SINHCAF: variants seen among roughly 807,000 people sequenced by gnomAD.
SINHCAF encodes SIN3-HDAC complex-associated factor.
In SINHCAF, 3 loss-of-function variants were observed where a neutral mutation model predicts 25.8. The ratio of observed to expected loss-of-function variants is 0.12; its 90% CI spans 0.05 to 0.30. The LOEUF is 0.30. SINHCAF is among the 10% of genes least tolerant of loss of function. The pLI, the probability that SINHCAF is intolerant of heterozygous loss-of-function variation, is 1.00. For synonymous variants in SINHCAF, 70 were observed against 85.5 expected, an observed-to-expected ratio of 0.82 and a Z score of 1.00; for missense variants, 121 against 262.3, an observed-to-expected ratio of 0.46 and a Z score of 3.72.
At position 31,321,831 on chromosome 12, in the gene SINHCAF, G is replaced by A. The variant is rs564295349; in HGVS notation, c.-21+4193C>T. Among the ~76,000 whole-genome samples, 24 of 152,234 alleles carry A rather than the reference G, an allele frequency of 1.6e-4. No individual in the cohort carries two copies. In the South Asian group the frequency reaches 4.8e-3, roughly 30 times the overall value. The stretch of plus-strand genomic sequence containing the variant: ...AATTGATTAATTTATCCTCATAAGA[G>A]CCCTGTATAGTTGGTTTAGATTTAA... On this transcript the variant is annotated intron_variant, in intron 1 of 5. Transcript: ENST00000337682.
rs1937786732 is a variant in SINHCAF, at chr12:31,281,441, A to G, written c.*1271T>C. 1 of 152,256 alleles carries G rather than the reference A, an allele frequency of 6.6e-6. No individual in the cohort carries two copies. The highest frequency in any genetic ancestry group is 2.4e-5 in the African/African-American group (1 of 41,472). 9.4% of individuals were successfully genotyped at this position (152,256 alleles called of 1,614,324 possible). Reference sequence around the variant, plus strand: ...ATAGGCTAAAACAAGTCAAACACCCATTCTACACAGATAAAAACCTTCACA... The same window carrying G: ...ATAGGCTAAAACAAGTCAAACACCCGTTCTACACAGATAAAAACCTTCACA... On this transcript the variant is annotated 3_prime_UTR_variant, in exon 6 of 6. Transcript: ENST00000337682.
At chr12:31,299,618 G>A (rs545798002) in intron 1 of SINHCAF, among the ~76,000 whole-genome samples, 95 of 152,262 alleles carry the variant, frequency 6.2e-4, no homozygotes, top group Middle Eastern at 3.4e-3. Flanking sequence ...GCCCGGCCAA[G>A]AAAATTATTA....
At chr12:31,299,363 C>G (rs1202405932) in intron 1 of SINHCAF, among the ~76,000 whole-genome samples, 4 of 151,898 alleles carry the variant, frequency 2.6e-5, no homozygotes, top group Admixed American at 1.3e-4. Context: ...TTCACCCAGG[C>G]TGGAGTGCGG....
intron 1 of SINHCAF, among the ~76,000 whole-genome samples, chr12:31,316,256 G>A (rs1939491755): frequency 6.6e-6 from 1 of 151,418 alleles, no homozygotes; most frequent in African/African-American, 2.4e-5. Flanking sequence ...AAAGATTAAA[G>A]GTAATAGCTA....
chr12:31,288,460 G>C (rs1453640029), intron 4 of SINHCAF, among the ~76,000 whole-genome samples: 2 of 152,124 alleles, frequency 1.3e-5, no homozygotes, highest in Non-Finnish European at 2.9e-5. Context: ...GTCAGAGGAA[G>C]CCTAGCGAAG....
At chr12:31,309,008 A>G (rs1047272970) in intron 1 of SINHCAF, among the ~76,000 whole-genome samples, 3 of 151,730 alleles carry the variant, frequency 2.0e-5, no homozygotes, top group Non-Finnish European at 4.4e-5. Context: ...CACATCTGTA[A>G]TCCTAGCTAC....
chr12:31,302,379 A>G (rs1186089663), intron 1 of SINHCAF, among the ~76,000 whole-genome samples: 1 of 151,710 alleles, frequency 6.6e-6, no homozygotes, highest in Non-Finnish European at 1.5e-5. Context: ...GATCTCAGTA[A>G]GCCTGTTTTT....
chr12:31,324,061 G>C lies in SINHCAF; in HGVS notation c.-21+1963C>G, dbSNP rs1442981474. ...TGGTAAATAAGACATCTCGCGTCGG[G>C]AGGAAAGTTCCTGCGGGGGCCGCTC... is the stretch of plus-strand genomic sequence containing the variant. On this transcript the variant is annotated intron_variant, in intron 1 of 5. Transcript: ENST00000337682. This position sits in a 1 kb window ranked among gnomAD's most constrained non-coding sequence, Gnocchi z 5.5. The C allele has an allele frequency of 2.2e-6, 1 of 454,270 alleles. No homozygotes were observed. Among genetic ancestry groups the C allele is most frequent in the Non-Finnish European group, 4.4e-6 (1 of 226,762 alleles). The allele number at this position is 454,270 out of a possible 1,614,324, so 28.1% of individuals were successfully genotyped here. A position where few individuals can be genotyped will look rare whatever the true frequency, so the allele number is the denominator to read the frequency against.
chr12:31,304,070 T>C (rs1938922838), intron 1 of SINHCAF: 1 of 144,870 alleles, frequency 6.9e-6, no homozygotes, highest in Non-Finnish European at 1.5e-5. Flanking sequence ...TAGTGAGCCA[T>C]GATCACACCA....
intron 1 of SINHCAF, among the ~76,000 whole-genome samples, chr12:31,315,332 G>C (rs1199064742): frequency 6.6e-6 from 1 of 152,170 alleles, no homozygotes; most frequent in Non-Finnish European, 1.5e-5. Flanking sequence ...CCTTTGTTCT[G>C]TATCTGATAA....
At chr12:31,315,036 T>C (rs1939442800) in intron 1 of SINHCAF, among the ~76,000 whole-genome samples, 1 of 152,244 alleles carries the variant, frequency 6.6e-6, no homozygotes, top group South Asian at 2.1e-4. Context: ...TGAATCTGAA[T>C]GTGCTGCTTG....
intron 5 of SINHCAF, among the ~76,000 whole-genome samples, chr12:31,283,841 GCA>G (rs918520486): frequency 2.5e-4 from 31 of 125,498 alleles, no homozygotes; most frequent in African/African-American, 9.0e-4. Flanking sequence ...TAATCATACT[GCA>G]CAGTTATCCA....
intron 1 of SINHCAF, among the ~76,000 whole-genome samples, chr12:31,299,280 A>G (rs939568469): frequency 1.3e-5 from 2 of 152,186 alleles, no homozygotes; most frequent in Non-Finnish European, 2.9e-5. Context: ...ACTATAAATT[A>G]TCACAAAATT....
intron 1 of SINHCAF, chr12:31,298,475 C>A: frequency 5.0e-6 from 2 of 397,804 alleles, no homozygotes; most frequent in South Asian, 3.0e-5. Flanking sequence ...AACAAACATG[C>A]AATCTAAAAA....
chr12:31,294,058 C>T, intron 3 of SINHCAF, 127 bp from the exon 4 acceptor site: 2 of 611,108 alleles, frequency 3.3e-6, no homozygotes, highest in South Asian at 2.8e-5. Flanking sequence ...TCCATGTGCA[C>T]CTTTAATCAT....
Position 31,322,465 on chromosome 12 carries a change from C to T in SINHCAF, c.-21+3559G>A, listed in dbSNP as rs182680935. 4.4e-3 allele frequency among the ~76,000 whole-genome samples: 670 copies of T among 152,260 alleles called. 6 individuals carry two copies. Among genetic ancestry groups the T allele is most frequent in the African/African-American group, 0.015 (642 of 41,540 alleles). ...CAAAGTTTTTCATTTTCTTGACATG[C>T]TCTTTCTATTTAATACAGAAATGTA... On this transcript the variant is annotated intron_variant, in intron 1 of 5. Transcript: ENST00000337682.
chr12:31,293,861 C>T lies in SINHCAF; in HGVS notation c.299G>A (p.Gly100Glu), dbSNP rs749874640. 60 of 1,613,158 alleles carry T rather than the reference C, an allele frequency of 3.7e-5. No homozygotes were observed. Among genetic ancestry groups the T allele is most frequent in the Non-Finnish European group, 4.8e-5 (57 of 1,179,644 alleles). Residue 100 changes from glycine (G) to glutamate (E), a missense_variant, in exon 4 of 6, where the codon GGG (glycine) becomes GAG (glutamate). Transcript: ENST00000337682. ...LKPKKVKTLS[G>E]NRIKSNQISK... Reference sequence around the variant, plus strand: ...GATCTGGTTGCTTTTTATCCTGTTCCCAGATAGAGTTTTCACTTTCTTTGG... The same window carrying T: ...GATCTGGTTGCTTTTTATCCTGTTCTCAGATAGAGTTTTCACTTTCTTTGG...
chr12:31,311,919 C>A (rs932170966), intron 1 of SINHCAF: 10 of 562,616 alleles, frequency 1.8e-5, no homozygotes, highest in Admixed American at 6.1e-5. Context: ...TGACTAGTAT[C>A]TTTTCAAGAA....
Position 31,324,068 on chromosome 12 carries a change from G to A in SINHCAF, c.-21+1956C>T. On this transcript the variant is annotated intron_variant, in intron 1 of 5. Coordinates refer to ENST00000337682, the MANE Select transcript of SINHCAF (RefSeq NM_001135812.2). This position sits in a 1 kb window ranked among gnomAD's most constrained non-coding sequence, Gnocchi z 5.5. ...TAAGACATCTCGCGTCGGGAGGAAA[G>A]TTCCTGCGGGGGCCGCTCGCCGGGG... 4.4e-6 allele frequency: 2 copies of A among 454,120 alleles called. No homozygotes were observed. The highest frequency in any genetic ancestry group is 8.8e-6 in the Non-Finnish European group (2 of 226,760). The allele number at this position is 454,120 out of a possible 1,614,324, so 28.1% of individuals were successfully genotyped here. A position where few individuals can be genotyped will look rare whatever the true frequency, so the allele number is the denominator to read the frequency against.
Sources: allele counts gnomAD v4.1 joint callset (sites outside exome capture counted in the v4.1 genomes callset), GRCh38; gene constraint gnomAD v4.1.1; non-coding constraint Gnocchi (gnomAD v3.1); transcripts MANE v1.5; gene names NCBI Gene and HGNC (gene_info 2026-07-23, HGNC 2026-07-21).